P2RX7: variants seen among roughly 807,000 people sequenced by gnomAD.
The protein encoded by P2RX7 is P2X purinoceptor 7.
In P2RX7, 62 loss-of-function variants were observed where a neutral mutation model predicts 71.6. The observed-to-expected ratio is 0.87, with a 90% CI of 0.71 to 1.07. The LOEUF (loss-of-function observed/expected upper bound fraction) is 1.07. Ranked by LOEUF, P2RX7 falls within the 50% of genes least tolerant of loss-of-function variation. The probability of loss-of-function intolerance (pLI) is 0.00; values close to 1 mark genes in which losing one functional copy is unlikely to be tolerated. For synonymous variants in P2RX7, 299 were observed against 283.3 expected (o/e 1.06, Z -0.56); for missense variants, 686 against 748.5 (o/e 0.92, Z 0.97).
intron 1 of P2RX7, among the ~76,000 whole-genome samples, chr12:121,146,230 G>A (rs1336365960): frequency 6.8e-6 from 1 of 146,936 alleles, no homozygotes; most frequent in East Asian, 2.0e-4. Flanking sequence ...CTGGTGACCC[G>A]ACCCTCTACT....
chr12:121,179,692 A>T (rs796442238), intron 11 of P2RX7, among the ~76,000 whole-genome samples: 1 of 152,198 alleles, frequency 6.6e-6, no homozygotes, highest in Non-Finnish European at 1.5e-5. Context: ...TTTAACAAAC[A>T]TGTAAATAAT....
In P2RX7 at chr12:121,152,674, C is replaced by T. The variant is rs150590838; in HGVS notation, c.126-2111C>T. Reference sequence around the variant, plus strand: ...AGGTGGGATTACAGGCTCACGCCACCGTACCCAGTTAATTTTTATTTTTAG... The same window carrying T: ...AGGTGGGATTACAGGCTCACGCCACTGTACCCAGTTAATTTTTATTTTTAG... On this transcript the variant is annotated intron_variant, in intron 1 of 12. Transcript: ENST00000328963. 2.3e-3 allele frequency among the ~76,000 whole-genome samples: 353 copies of T among 152,310 alleles called. 2 individuals are homozygous for T. The highest frequency in any genetic ancestry group is 7.8e-3 in the African/African-American group (324 of 41,558).
At chr12:121,141,353 T>C (rs1454197231) in intron 1 of P2RX7, among the ~76,000 whole-genome samples, 1 of 152,240 alleles carries the variant, frequency 6.6e-6, no homozygotes, top group Non-Finnish European at 1.5e-5. Context: ...GCTGCCCCAG[T>C]GCAGCCTCCC....
At chr12:121,140,809 A>C (rs1037594830) in intron 1 of P2RX7, among the ~76,000 whole-genome samples, 50 of 152,286 alleles carry the variant, frequency 3.3e-4, no homozygotes, top group African/African-American at 1.1e-3. Flanking sequence ...ATAAAGGGCC[A>C]GGCGTGGTGG....
chr12:121,154,141 G>C lies in P2RX7; in HGVS notation c.126-644G>C, dbSNP rs1878078604. Among the ~76,000 whole-genome samples the C allele has an allele frequency of 6.6e-6, 1 of 151,208 alleles. No individual in the cohort carries two copies. The highest frequency in any genetic ancestry group is 1.5e-5 in the Non-Finnish European group (1 of 67,732). ...CTTTCTCTGGAATAAAAAAAAAAGA[G>C]AGGCTGGGCGCAGTGGCTCACACCT... On this transcript the variant is annotated intron_variant, in intron 1 of 12. Coordinates refer to ENST00000328963, the MANE Select transcript of P2RX7 (RefSeq NM_002562.6). This position sits in a 1 kb window ranked among gnomAD's most constrained non-coding sequence, Gnocchi z 4.2.
intron 9 of P2RX7, among the ~76,000 whole-genome samples, chr12:121,176,856 C>T (rs1883240575): frequency 6.6e-6 from 1 of 151,970 alleles, no homozygotes; most frequent in Non-Finnish European, 1.5e-5. Context: ...CTGAAACCCT[C>T]ACCTTGTATG....
At position 121,184,527 on chromosome 12, in the gene P2RX7, G is replaced by T; in HGVS notation, c.1513G>T (p.Ala505Ser). Reference protein sequence around the residue: ...EELCCRKKPGACITTSELFRK... With the variant: ...EELCCRKKPGSCITTSELFRK... ...GCTGTGCTGCCGGAAAAAGCCGGGGGCCTGCATCACCACCTCAGAGCTGTT... is the reference window on the plus strand; with the variant it reads ...GCTGTGCTGCCGGAAAAAGCCGGGGTCCTGCATCACCACCTCAGAGCTGTT... Residue 505 changes from alanine (A) to serine (S), a missense_variant, in exon 13 of 13, where the codon GCC (alanine) becomes TCC (serine). Ala to Ser is a moderately conservative substitution (Grantham distance 99). Transcript: ENST00000328963. The T allele has an allele frequency of 6.2e-7, 1 of 1,614,206 alleles. No individual in the cohort carries two copies. The highest frequency in any genetic ancestry group is 8.5e-7 in the Non-Finnish European group (1 of 1,180,016).
intron 4 of P2RX7, chr12:121,162,149 C>A: frequency 1.0e-6 from 1 of 1,001,020 alleles, no homozygotes; most frequent in Non-Finnish European, 1.3e-6. Context: ...TTCCGCTCCC[C>A]TCATGGGCAC....
rs144076014 is a variant in P2RX7 at position 121,173,331 on chromosome 12, G to A, written c.882-2057G>A. On this transcript the variant is annotated intron_variant, in intron 8 of 12. Coordinates refer to ENST00000328963, the MANE Select transcript of P2RX7 (RefSeq NM_002562.6). ...TTCCTGAGTAGCTGGGATTACAGGCGTCTGCCACCACATCCAGCTAATTTT... is the reference window on the plus strand; with the variant it reads ...TTCCTGAGTAGCTGGGATTACAGGCATCTGCCACCACATCCAGCTAATTTT... Among the ~76,000 whole-genome samples the A allele has an allele frequency of 6.5e-3, 982 of 152,226 alleles. 43 individuals are homozygous for A. The highest frequency in any genetic ancestry group is 0.059 in the Admixed American group (909 of 15,280).
chr12:121,162,806 G>C (rs1173065525), intron 5 of P2RX7, among the ~76,000 whole-genome samples: 4 of 152,164 alleles, frequency 2.6e-5, no homozygotes, highest in Non-Finnish European at 5.9e-5. Context: ...AGATCTTCCA[G>C]GGTACCCCCA....
intron 11 of P2RX7, among the ~76,000 whole-genome samples, chr12:121,179,511 A>G (rs1336822616): frequency 6.6e-6 from 1 of 151,888 alleles, no homozygotes; most frequent in African/African-American, 2.4e-5. Context: ...AAAAAAAAAA[A>G]AAAAACAAAG....
chr12:121,156,777 C>T (rs1295859732), intron 3 of P2RX7, among the ~76,000 whole-genome samples: 3 of 152,186 alleles, frequency 2.0e-5, no homozygotes, highest in African/African-American at 7.2e-5. Flanking sequence ...GCCACCACCC[C>T]AGACAATCTT....
chr12:121,166,236 G>A, intron 7 of P2RX7, 49 bp downstream of exon 7: 1 of 1,587,126 alleles, frequency 6.3e-7, no homozygotes, highest in Non-Finnish European at 8.6e-7. Flanking sequence ...GTCTAGGGAT[G>A]GAGGATGTCA....
chr12:121,167,150 G>T (rs547813840), intron 7 of P2RX7, among the ~76,000 whole-genome samples: 2 of 152,024 alleles, frequency 1.3e-5, no homozygotes, highest in Non-Finnish European at 2.9e-5. Flanking sequence ...TTGATAGAGT[G>T]CCCTGAATTC....
intron 5 of P2RX7, among the ~76,000 whole-genome samples, chr12:121,163,734 A>G (rs1880404011): frequency 6.6e-6 from 1 of 152,182 alleles, no homozygotes; most frequent in African/African-American, 2.4e-5. Context: ...CTGGGGTTAC[A>G]GGTTTGAGCC....
chr12:121,160,761 C>G (rs1038846455), intron 3 of P2RX7, 141 bp from the exon 4 acceptor site: 1 of 736,382 alleles, frequency 1.4e-6, no homozygotes, highest in Non-Finnish European at 2.5e-6. Flanking sequence ...TGGCCACTTG[C>G]GTGGTTTCCA....
At chr12:121,182,071 A>G (rs1884240961) in intron 12 of P2RX7, among the ~76,000 whole-genome samples, 1 of 151,930 alleles carries the variant, frequency 6.6e-6, no homozygotes, top group Admixed American at 6.6e-5. Flanking sequence ...TAAAAAAAAA[A>G]AAAAAAAAGT....
intron 11 of P2RX7, among the ~76,000 whole-genome samples, chr12:121,180,095 G>T (rs1429350846): frequency 7.3e-6 from 1 of 136,436 alleles, no homozygotes; most frequent in Non-Finnish European, 1.5e-5. Context: ...GTTGCAGTGA[G>T]CCAAGATCAT....
chr12:121,167,499 G>A lies in P2RX7; in HGVS notation c.756G>A (p.Met252Ile). The A allele has an allele frequency of 6.2e-7, 1 of 1,613,956 alleles. No homozygotes were observed. Among genetic ancestry groups the A allele is most frequent in the Non-Finnish European group, 8.5e-7 (1 of 1,179,938 alleles). ...FSDVAIQGGI[M>I]GIEIYWDCNL... ...TGTTGATCCTTCAGGGCGGAATAAT[G>A]GGCATTGAGATCTACTGGGACTGCA... The change falls in exon 8 of 13, where the codon ATG becomes ATA. Residue 252 changes from methionine to isoleucine, a missense_variant. Physicochemically the swap from Met to Ile is conservative, Grantham distance 10. Transcript: ENST00000328963.
Sources: allele counts gnomAD v4.1 joint callset (sites outside exome capture counted in the v4.1 genomes callset), GRCh38; gene constraint gnomAD v4.1.1; non-coding constraint Gnocchi (gnomAD v3.1); transcripts MANE v1.5; gene names NCBI Gene and HGNC (gene_info 2026-07-23, HGNC 2026-07-21).